The following KLF9 variants were observed in gnomAD, a reference collection of about 807,000 sequenced individuals.
KLF9 encodes the protein Krueppel-like factor 9.
Under a neutral mutation model 17.3 loss-of-function variants are expected in KLF9, and 2 were observed. That is an observed-to-expected ratio of 0.12 (90% CI 0.05 to 0.36). The LOEUF (loss-of-function observed/expected upper bound fraction) is 0.36, where lower values mean the gene tolerates loss of function less well. Among genes scored for constraint, KLF9 ranks in the 10% least tolerant of loss-of-function variants. The pLI, the probability that KLF9 is intolerant of heterozygous loss-of-function variation, is 1.00. For synonymous variants in KLF9, 138 were observed against 139.2 expected (o/e 0.99, Z 0.06); for missense variants, 226 against 333.2 (o/e 0.68, Z 2.51).
chr9:70,400,923 A>G (rs188154750), intron 1 of KLF9, among the ~76,000 whole-genome samples: 37 of 152,272 alleles, frequency 2.4e-4, no homozygotes, highest in Non-Finnish European at 3.4e-4. Flanking sequence ...TTCACAAAAC[A>G]GTCCCCACTC....
intron 1 of KLF9, among the ~76,000 whole-genome samples, chr9:70,398,910 T>G (rs2037201805): frequency 6.6e-6 from 1 of 152,232 alleles, no homozygotes; most frequent in South Asian, 2.1e-4. Context: ...CTTGGCTCAC[T>G]GCAGCCTCAA....
chr9:70,403,252 AAC>A (rs2037236444), intron 1 of KLF9, among the ~76,000 whole-genome samples: 1 of 152,220 alleles, frequency 6.6e-6, no homozygotes, highest in Non-Finnish European at 1.5e-5. Flanking sequence ...GATAATAAAT[AAC>A]ACATTAAATT....
chr9:70,391,740 A>G (rs574116193), intron 1 of KLF9, among the ~76,000 whole-genome samples: 2 of 152,344 alleles, frequency 1.3e-5, no homozygotes, highest in African/African-American at 4.8e-5. Flanking sequence ...CTGGCCTGCC[A>G]TGAGCTAAGA....
chr9:70,394,355 C>T (rs901937978), intron 1 of KLF9, among the ~76,000 whole-genome samples: 4 of 150,928 alleles, frequency 2.7e-5, no homozygotes, highest in African/African-American at 4.9e-5. Flanking sequence ...ACACTCTTAT[C>T]GTGTACAAAA....
intron 1 of KLF9, among the ~76,000 whole-genome samples, chr9:70,402,050 C>A (rs879800505): frequency 2.6e-5 from 4 of 151,760 alleles, no homozygotes; most frequent in South Asian, 2.1e-4. Flanking sequence ...AAAATAAAAT[C>A]AATTAGAAAA....
In KLF9 at chr9:70,413,243, G is replaced by C; in HGVS notation, c.121C>G (p.Arg41Gly). The stretch of plus-strand genomic sequence containing the variant: ...TCACCGTGCTCCTTGGTCACCTCGC[G>C]CTCAGGTAGTCGCAGCCGCTCGGCG... ...PDAERLRLPE[R>G]EVTKEHGDPG... Residue 41 changes from arginine to glycine, a missense_variant, in exon 1 of 2, where the codon CGC becomes GGC. By Grantham distance (125) the Arg-to-Gly change is moderately radical. Transcript: ENST00000377126. This position sits in a 1 kb window ranked among gnomAD's most constrained non-coding sequence, Gnocchi z 5.6. The C allele has an allele frequency of 6.2e-7, 1 of 1,613,830 alleles. No homozygotes were observed. Among genetic ancestry groups the C allele is most frequent in the East Asian group, 2.2e-5 (1 of 44,864 alleles).
chr9:70,411,411 C>T (rs1236843939), intron 1 of KLF9, among the ~76,000 whole-genome samples: 2 of 152,328 alleles, frequency 1.3e-5, no homozygotes, highest in East Asian at 3.9e-4. Flanking sequence ...CTAAAGGTCA[C>T]ATCCCCCAAC....
intron 1 of KLF9, among the ~76,000 whole-genome samples, chr9:70,412,438 C>G (rs1374390158): frequency 1.3e-5 from 2 of 152,116 alleles, no homozygotes; most frequent in African/African-American, 4.8e-5. Context: ...GCCGCGTCCC[C>G]CCTCGGTTTC....
At chr9:70,412,547 C>A (rs1450428112) in intron 1 of KLF9, among the ~76,000 whole-genome samples, 1 of 148,070 alleles carries the variant, frequency 6.8e-6, no homozygotes, top group African/African-American at 2.5e-5. Flanking sequence ...CCCACCGTCG[C>A]GGGGTGCGGG....
chr9:70,409,070 G>A lies in KLF9; in HGVS notation c.505+3789C>T, dbSNP rs11142407. Among the ~76,000 whole-genome samples, 26 of 106,080 alleles carry A rather than the reference G, an allele frequency of 2.5e-4. 1 individual carries two copies. The highest frequency in any genetic ancestry group is 5.4e-4 in the South Asian group (2 of 3,732). 69.6% of individuals were successfully genotyped at this position (106,080 alleles called of 152,430 possible). On this transcript the variant is annotated intron_variant, in intron 1 of 1. Transcript: ENST00000377126. ...TATATACATATATGTGTATATATAT[G>A]TGTATATATATACACATATATGTAT...
intron 1 of KLF9, among the ~76,000 whole-genome samples, chr9:70,400,578 A>T (rs1189095153): frequency 2.6e-5 from 4 of 152,250 alleles, no homozygotes; most frequent in African/African-American, 9.6e-5. Flanking sequence ...ATTGTCCCCC[A>T]GCAGCAGAAA....
chr9:70,402,681 C>G (rs2037229760), intron 1 of KLF9, among the ~76,000 whole-genome samples: 1 of 152,184 alleles, frequency 6.6e-6, no homozygotes, highest in South Asian at 2.1e-4. Context: ...CATCTATCTT[C>G]TGCAAAGACC....
At chr9:70,411,454 A>G (rs2037312795) in intron 1 of KLF9, among the ~76,000 whole-genome samples, 1 of 152,192 alleles carries the variant, frequency 6.6e-6, no homozygotes, top group Non-Finnish European at 1.5e-5. Flanking sequence ...CCTTACAGAT[A>G]CAAGCCTTAA....
rs1232965305 is a variant in KLF9 at position 70,387,424 on chromosome 9, C to G, written c.*352G>C. On this transcript the variant is annotated 3_prime_UTR_variant, in exon 2 of 2. Transcript: ENST00000377126. Reference sequence around the variant, plus strand: ...TTCTACCCCAGTCTTGGCCTTACCCCCCTCCCCCCCACCCACTCCCTACCC... The same window carrying G: ...TTCTACCCCAGTCTTGGCCTTACCCGCCTCCCCCCCACCCACTCCCTACCC... The G allele has an allele frequency of 6.7e-6, 1 of 148,834 alleles. No individual in the cohort carries two copies. Among genetic ancestry groups the G allele is most frequent in the Non-Finnish European group, 1.5e-5 (1 of 68,904 alleles). 9.2% of individuals were successfully genotyped at this position (148,834 alleles called of 1,614,324 possible). A position where few individuals can be genotyped will look rare whatever the true frequency, so the allele number is the denominator to read the frequency against.
Position 70,413,052 on chromosome 9 carries a change from C to A in KLF9, c.312G>T (p.Gly104=), listed in dbSNP as rs1373776533. 4 of 1,614,088 alleles carry A rather than the reference C, an allele frequency of 2.5e-6. No homozygotes were observed. The highest frequency in any genetic ancestry group is 2.5e-6 in the Non-Finnish European group (3 of 1,179,950). ...CCTCCGGGCTGTGGGAAGGACTCGA[C>A]CCAGATTCGGTGGTCACGTCGCTGT... ...GSDSDVTTES[G]SSPSHSPEER... The change falls in exon 1 of 2, where the codon GGG becomes GGT. Residue 104 remains glycine, a synonymous_variant. Coordinates refer to ENST00000377126, the MANE Select transcript of KLF9 (RefSeq NM_001206.4). This position sits in a 1 kb window ranked among gnomAD's most constrained non-coding sequence, Gnocchi z 5.6.
intron 1 of KLF9, among the ~76,000 whole-genome samples, chr9:70,392,011 T>C (rs2037156364): frequency 6.6e-6 from 1 of 152,132 alleles, no homozygotes; most frequent in Admixed American, 6.5e-5. Flanking sequence ...AAAAAGTTGG[T>C]TGATTCCTGA....
chr9:70,407,398 C>G (rs750270322), intron 1 of KLF9, among the ~76,000 whole-genome samples: 5 of 152,196 alleles, frequency 3.3e-5, no homozygotes, highest in Non-Finnish European at 7.3e-5. Flanking sequence ...TCTGGTACCT[C>G]CCTCTCTCAC....
intron 1 of KLF9, among the ~76,000 whole-genome samples, chr9:70,409,433 A>C (rs779388556): frequency 2.0e-5 from 3 of 151,558 alleles, no homozygotes; most frequent in Non-Finnish European, 2.9e-5. Flanking sequence ...CCAGATATCA[A>C]CCCAGCATGA....
intron 1 of KLF9, among the ~76,000 whole-genome samples, chr9:70,396,903 A>C (rs1287689486): frequency 6.6e-6 from 1 of 152,054 alleles, no homozygotes; most frequent in Non-Finnish European, 1.5e-5. Flanking sequence ...TCCAGGCCAG[A>C]CATGGTGGTT....
Sources: allele counts gnomAD v4.1 joint callset (sites outside exome capture counted in the v4.1 genomes callset), GRCh38; gene constraint gnomAD v4.1.1; non-coding constraint Gnocchi (gnomAD v3.1); transcripts MANE v1.5; gene names NCBI Gene and HGNC (gene_info 2026-07-23, HGNC 2026-07-21).